The following SDK2 variants were observed in gnomAD, a reference collection of about 807,000 sequenced individuals.
SDK2 encodes the protein sidekick cell adhesion molecule 2, also known as protein sidekick-2.
Under a neutral mutation model 253.9 loss-of-function variants are expected in SDK2, and 105 were observed. The observed-to-expected ratio is 0.41, with a 90% CI of 0.35 to 0.49. SDK2 has a LOEUF of 0.49. Ranked by LOEUF, SDK2 falls within the 20% of genes least tolerant of loss-of-function variation. The pLI is 0.06. For missense variants in SDK2, 2,608 were observed against 3,003.0 expected (o/e 0.87, Z 3.07); for synonymous variants, 1,249 against 1,234.9 (o/e 1.01, Z -0.24).
chr17:73,374,579 T>G (rs2062761765), intron 36 of SDK2, among the ~76,000 whole-genome samples: 1 of 144,052 alleles, frequency 6.9e-6, no homozygotes. Context: ...GGGATTCTTT[T>G]GCCTCAGCCT....
At chr17:73,527,935 T>C (rs1037067350) in intron 1 of SDK2, among the ~76,000 whole-genome samples, 17 of 151,860 alleles carry the variant, frequency 1.1e-4, no homozygotes, top group African/African-American at 7.3e-5. Flanking sequence ...ATGGGGATTG[T>C]GGAGCTGTTT....
intron 24 of SDK2, among the ~76,000 whole-genome samples, chr17:73,396,254 TG>T (rs150587283): frequency 0.033 from 4,970 of 152,214 alleles, 261 homozygotes; most frequent in African/African-American, 0.11. Flanking sequence ...GATGGGGCTG[TG>T]GTCACCAGCT....
intron 2 of SDK2, among the ~76,000 whole-genome samples, chr17:73,491,390 T>TTG (rs2063805431): frequency 6.7e-6 from 1 of 150,374 alleles, no homozygotes; most frequent in Non-Finnish European, 1.5e-5. Flanking sequence ...TTTTTTTTTT[T>TTG]GAGACAGGGT....
At chr17:73,407,635 A>G (rs1036259031) in intron 18 of SDK2, among the ~76,000 whole-genome samples, 2 of 152,050 alleles carry the variant, frequency 1.3e-5, no homozygotes, top group Non-Finnish European at 2.9e-5. Context: ...GGGGAGTCTC[A>G]CTATATTGCC....
chr17:73,483,663 ATATATATATATATATATATT>A (rs1364269818), intron 2 of SDK2, among the ~76,000 whole-genome samples: 638 of 44,704 alleles, frequency 0.014, 16 homozygotes, highest in Non-Finnish European at 0.02. Flanking sequence ...GTGTGTGTGT[ATATATATATATATATATATT>A]TATATATATA....
At chr17:73,426,966 T>TC (rs1165836664) in intron 12 of SDK2, among the ~76,000 whole-genome samples, 2 of 152,044 alleles carry the variant, frequency 1.3e-5, no homozygotes, top group African/African-American at 4.8e-5. Context: ...GAGCCTGTAG[T>TC]CCCAGCTACT....
intron 1 of SDK2, among the ~76,000 whole-genome samples, chr17:73,619,845 C>G (rs2046106719): frequency 6.6e-6 from 1 of 152,016 alleles, no homozygotes; most frequent in African/African-American, 2.4e-5. Context: ...GTCTAGTATC[C>G]AGAATATGTA....
At chr17:73,400,666 T>TA (rs1329391005) in intron 21 of SDK2, among the ~76,000 whole-genome samples, 1 of 151,222 alleles carries the variant, frequency 6.6e-6, no homozygotes, top group East Asian at 2.0e-4. Flanking sequence ...TTTTATTTTT[T>TA]TTTTTGAGAC....
intron 40 of SDK2, among the ~76,000 whole-genome samples, chr17:73,355,174 A>ATATATATATATATATATATATTTTTTT: frequency 4.2e-5 from 2 of 47,224 alleles, no homozygotes; most frequent in African/African-American, 1.6e-4. Context: ...ATATATATAT[A>ATATATATATATATATATATATTTTTTT]TTTTTTTTTT....
At chr17:73,627,300 A>AT (rs948023682) in intron 1 of SDK2, among the ~76,000 whole-genome samples, 15 of 149,350 alleles carry the variant, frequency 1.0e-4, no homozygotes, top group East Asian at 2.0e-4. Context: ...AAATGGCAGC[A>AT]TTTTTTTTTT....
intron 1 of SDK2, among the ~76,000 whole-genome samples, chr17:73,631,932 G>A (rs2046276440): frequency 6.6e-6 from 1 of 152,214 alleles, no homozygotes; most frequent in Non-Finnish European, 1.5e-5. Flanking sequence ...TGCTGGTGTT[G>A]ATTGGCTTGC....
chr17:73,599,196 C>G, intron 1 of SDK2, among the ~76,000 whole-genome samples: 1 of 152,090 alleles, frequency 6.6e-6, no homozygotes, highest in East Asian at 1.9e-4. Flanking sequence ...TACATTCGTA[C>G]AGAAGGAGGA....
chr17:73,555,411 C>A (rs572790461), intron 1 of SDK2, among the ~76,000 whole-genome samples: 1 of 152,172 alleles, frequency 6.6e-6, no homozygotes. Context: ...CCATTGGGAG[C>A]GGTGCACTGG....
intron 15 of SDK2, among the ~76,000 whole-genome samples, chr17:73,421,341 A>AT (rs1425870923): frequency 6.6e-6 from 1 of 152,198 alleles, no homozygotes; most frequent in African/African-American, 2.4e-5. Flanking sequence ...CAACTGTGGC[A>AT]AAACCACCAT....
At chr17:73,359,453 G>A (rs968212415) in intron 39 of SDK2, among the ~76,000 whole-genome samples, 2 of 152,164 alleles carry the variant, frequency 1.3e-5, no homozygotes, top group African/African-American at 2.4e-5. Context: ...GGGTGGACAC[G>A]CCTGAGGGAG....
intron 28 of SDK2, 40 bp from the exon 29 acceptor site, chr17:73,390,521 C>T: frequency 6.4e-7 from 1 of 1,559,826 alleles, no homozygotes; most frequent in Non-Finnish European, 8.7e-7. Flanking sequence ...GCAAGCAAGG[C>T]AAGCCGCTCC....
intron 1 of SDK2, among the ~76,000 whole-genome samples, chr17:73,571,528 C>G (rs2045385988): frequency 6.6e-6 from 1 of 152,218 alleles, no homozygotes; most frequent in African/African-American, 2.4e-5. Flanking sequence ...GGGAGTCCAG[C>G]CCGGTGGCCC....
chr17:73,539,683 A>C (rs1250968009), intron 1 of SDK2, among the ~76,000 whole-genome samples: 1 of 152,206 alleles, frequency 6.6e-6, no homozygotes, highest in East Asian at 1.9e-4. Flanking sequence ...CAGTCCTGGG[A>C]CCTGTGAATG....
chr17:73,499,832 C>T (rs937040338), intron 2 of SDK2, among the ~76,000 whole-genome samples: 8 of 150,580 alleles, frequency 5.3e-5, no homozygotes, highest in African/African-American at 9.8e-5. Context: ...AACATTAATC[C>T]GTGCATGCCC....
Sources: allele counts gnomAD v4.1 joint callset (sites outside exome capture counted in the v4.1 genomes callset), GRCh38; gene constraint gnomAD v4.1.1; transcripts MANE v1.5; gene names NCBI Gene and HGNC (gene_info 2026-07-23, HGNC 2026-07-21).